The following MGAT5 variants were observed in gnomAD, a reference collection of about 807,000 sequenced individuals.
MGAT5 encodes alpha-1,6-mannosylglycoprotein 6-beta-N-acetylglucosaminyltransferase, also known as alpha-1,6-mannosylglycoprotein 6-beta-N-acetylglucosaminyltransferase A.
MGAT5 carries 30 observed loss-of-function variants against 94.3 expected under a neutral mutation model. The observed-to-expected ratio is 0.32, with a 90% CI of 0.24 to 0.43. The LOEUF (loss-of-function observed/expected upper bound fraction) is 0.43, where lower values mean the gene tolerates loss of function less well. Among genes scored for constraint, MGAT5 ranks in the 20% least tolerant of loss-of-function variants. MGAT5 has a pLI of 1.00. For missense variants in MGAT5, 691 were observed against 905.5 expected, an observed-to-expected ratio of 0.76 and a Z score of 3.04; for synonymous variants, 310 against 322.9, an observed-to-expected ratio of 0.96 and a Z score of 0.43.
intron 11 of MGAT5, among the ~76,000 whole-genome samples, chr2:134,412,211 T>C (rs1683709209): frequency 6.6e-6 from 1 of 152,080 alleles, no homozygotes; most frequent in Non-Finnish European, 1.5e-5. Flanking sequence ...GGGAAGCACA[T>C]GGTTTGCCTG....
At chr2:134,400,436 A>G (rs566507222) in intron 10 of MGAT5, among the ~76,000 whole-genome samples, 3 of 152,328 alleles carry the variant, frequency 2.0e-5, no homozygotes, top group African/African-American at 7.2e-5. Context: ...TGATTTTACC[A>G]TGCCTAAAAG....
intron 13 of MGAT5, among the ~76,000 whole-genome samples, chr2:134,423,806 GC>G (rs1263113593): frequency 6.6e-6 from 1 of 151,348 alleles, no homozygotes; most frequent in Non-Finnish European, 1.5e-5. Flanking sequence ...TATGTAAAGT[GC>G]TTAAGTTCAA....
intron 11 of MGAT5, among the ~76,000 whole-genome samples, chr2:134,409,573 A>G (rs1286363935): frequency 6.6e-6 from 1 of 152,186 alleles, no homozygotes; most frequent in Non-Finnish European, 1.5e-5. Context: ...GTTTCCCTCT[A>G]GAGTCACCAT....
At chr2:134,190,816 A>G (rs1353837381) in intron 1 of MGAT5, among the ~76,000 whole-genome samples, 1 of 151,652 alleles carries the variant, frequency 6.6e-6, no homozygotes, top group Non-Finnish European at 1.5e-5. Flanking sequence ...TGGCTAATTT[A>G]TGTATTTTTT....
intron 14 of MGAT5, among the ~76,000 whole-genome samples, chr2:134,436,671 G>A (rs1478118575): frequency 2.6e-5 from 4 of 152,196 alleles, no homozygotes; most frequent in Non-Finnish European, 5.9e-5. Flanking sequence ...AGATTCTGCA[G>A]ATGTCTCCAA....
intron 1 of MGAT5, among the ~76,000 whole-genome samples, chr2:134,176,572 T>TAAAAAA (rs66689362): frequency 0.099 from 8,159 of 82,448 alleles, 438 homozygotes; most frequent in East Asian, 0.14. Context: ...GACTCTGTCT[T>TAAAAAA]AAAAAAAAAA....
intron 10 of MGAT5, among the ~76,000 whole-genome samples, chr2:134,398,328 G>A (rs2106278388): frequency 6.6e-6 from 1 of 152,298 alleles, no homozygotes; most frequent in South Asian, 2.1e-4. Context: ...TGCCTCTGCA[G>A]CCTGGTTTTG....
At chr2:134,423,585 A>C (rs1029941901) in intron 13 of MGAT5, among the ~76,000 whole-genome samples, 3 of 151,960 alleles carry the variant, frequency 2.0e-5, no homozygotes, top group South Asian at 2.1e-4. Flanking sequence ...TCACAGCTGC[A>C]CTCTGCTGCT....
At chr2:134,332,435 A>G (rs1036159143) in intron 4 of MGAT5, among the ~76,000 whole-genome samples, 19 of 152,268 alleles carry the variant, frequency 1.2e-4, no homozygotes, top group Non-Finnish European at 2.2e-4. Flanking sequence ...ACAAAAATTA[A>G]TTCAAGATGG....
At chr2:134,447,987 G>A (rs529196845) in intron 15 of MGAT5, among the ~76,000 whole-genome samples, 7 of 152,348 alleles carry the variant, frequency 4.6e-5, no homozygotes, top group African/African-American at 1.4e-4. Flanking sequence ...CCAGGGAGGC[G>A]ATGCCCCAGG....
At chr2:134,277,092 G>C (rs1684426101) in intron 2 of MGAT5, among the ~76,000 whole-genome samples, 1 of 152,170 alleles carries the variant, frequency 6.6e-6, no homozygotes, top group African/African-American at 2.4e-5. Context: ...GTGTTGAGGG[G>C]ATGAGGGACA....
intron 1 of MGAT5, among the ~76,000 whole-genome samples, chr2:134,194,834 A>T (rs1258220545): frequency 2.0e-5 from 3 of 152,084 alleles, no homozygotes; most frequent in South Asian, 2.1e-4. Context: ...TTCCATGAGC[A>T]TTTGCGCCCC....
chr2:134,418,754 T>G (rs936318699), intron 12 of MGAT5, among the ~76,000 whole-genome samples: 1 of 152,116 alleles, frequency 6.6e-6, no homozygotes, highest in Non-Finnish European at 1.5e-5. Context: ...GGCGAGCGGG[T>G]CTCAAGCCTG....
At chr2:134,257,774 C>T (rs1683060881) in intron 1 of MGAT5, among the ~76,000 whole-genome samples, 1 of 147,294 alleles carries the variant, frequency 6.8e-6, no homozygotes, top group African/African-American at 2.5e-5. Flanking sequence ...GTAGGATTCT[C>T]AATGGTATAG....
intron 1 of MGAT5, among the ~76,000 whole-genome samples, chr2:134,229,206 A>C (rs1296244944): frequency 6.6e-6 from 1 of 152,258 alleles, no homozygotes; most frequent in Non-Finnish European, 1.5e-5. Flanking sequence ...TTAAAATCTA[A>C]TGCAACCTTC....
In MGAT5 at chr2:134,277,575, G is replaced by A. The variant is rs146576046; in HGVS notation, c.406+7025G>A. 1.6e-3 allele frequency among the ~76,000 whole-genome samples: 251 copies of A among 152,302 alleles called. 2 individuals are homozygous for A. The East Asian group carries it at 0.017, about 10-fold the overall frequency. ...CCACCAGCTCCCTCCCCTGACATGG[G>A]ATTAAAATTTGAGATGAGATTTGGG... On this transcript the variant is annotated intron_variant, in intron 2 of 15. Transcript: ENST00000281923.
intron 4 of MGAT5, among the ~76,000 whole-genome samples, chr2:134,324,777 A>G (rs79386039): frequency 3.9e-5 from 6 of 152,192 alleles, no homozygotes; most frequent in African/African-American, 1.2e-4. Flanking sequence ...CTTTAAAAAT[A>G]TCACCGGATT....
chr2:134,193,588 C>T (rs974861968), intron 1 of MGAT5, among the ~76,000 whole-genome samples: 3 of 152,004 alleles, frequency 2.0e-5, no homozygotes, highest in South Asian at 2.1e-4. Flanking sequence ...TCTTGGGAGT[C>T]CCAACCTGAA....
At chr2:134,322,496 G>T (rs529367150) in intron 4 of MGAT5, among the ~76,000 whole-genome samples, 1 of 152,168 alleles carries the variant, frequency 6.6e-6, no homozygotes, top group Non-Finnish European at 1.5e-5. Flanking sequence ...TTTATTTGTG[G>T]TGAGAGTATT....
Sources: gnomAD v4.1 joint callset for allele counts (sites outside exome capture counted in the v4.1 genomes callset) on GRCh38, gnomAD v4.1.1 for gene constraint, MANE v1.5 for transcripts, NCBI Gene and HGNC (gene_info 2026-07-23, HGNC 2026-07-21) for gene names.